RTN3: variants seen among roughly 807,000 people sequenced by gnomAD.
RTN3 encodes the protein reticulon-3.
Under a neutral mutation model 77.8 loss-of-function variants are expected in RTN3, and 49 were observed. That is an observed-to-expected ratio of 0.63 (90% CI 0.50 to 0.80). The LOEUF is 0.80. Ranked by LOEUF, RTN3 falls within the 30% of genes least tolerant of loss-of-function variation. The pLI, the probability that RTN3 is intolerant of heterozygous loss-of-function variation, is 0.00. For synonymous variants in RTN3, 464 were observed against 446.9 expected, an observed-to-expected ratio of 1.04 and a Z score of -0.48; for missense variants, 1,236 against 1,211.9, an observed-to-expected ratio of 1.02 and a Z score of -0.29.
At chr11:63,732,037 A>G (rs1330878485) in intron 3 of RTN3, among the ~76,000 whole-genome samples, 1 of 152,204 alleles carries the variant, frequency 6.6e-6, no homozygotes, top group Admixed American at 6.5e-5. Context: ...CTAGAAAAAG[A>G]AGAGCAAAGT....
chr11:63,757,786 G>C (rs491231), intron 8 of RTN3, among the ~76,000 whole-genome samples: 18,871 of 139,428 alleles, frequency 0.14, 1,302 homozygotes, highest in Middle Eastern at 0.21. Flanking sequence ...GTGGTGCGAT[G>C]TCTGCTCACT....
chr11:63,686,680 A>G (rs1941392644), intron 1 of RTN3, among the ~76,000 whole-genome samples: 2 of 152,154 alleles, frequency 1.3e-5, no homozygotes, highest in South Asian at 4.1e-4. Flanking sequence ...CAAAAAAGCA[A>G]GAATTAGCTG....
intron 7 of RTN3, among the ~76,000 whole-genome samples, chr11:63,753,962 G>A (rs941764969): frequency 2.6e-5 from 4 of 152,198 alleles, no homozygotes; most frequent in African/African-American, 9.7e-5. Flanking sequence ...TTTTAATCAT[G>A]TAGATGTATT....
intron 3 of RTN3, among the ~76,000 whole-genome samples, chr11:63,726,733 C>T (rs974851645): frequency 1.1e-4 from 16 of 151,838 alleles, no homozygotes; most frequent in Admixed American, 6.6e-5. Flanking sequence ...CATTGGCAGG[C>T]GCCTGTAATC....
intron 1 of RTN3, among the ~76,000 whole-genome samples, chr11:63,684,129 GT>G (rs61663789): frequency 1.6e-3 from 134 of 85,276 alleles, no homozygotes; most frequent in South Asian, 5.4e-3. Context: ...TTTTCTTTTG[GT>G]TTTTTTTTTT....
chr11:63,735,598 C>CTCTCTCTCTCTCTCTCTCTCTT (rs1238903324), intron 3 of RTN3, among the ~76,000 whole-genome samples: 1 of 147,768 alleles, frequency 6.8e-6, no homozygotes, highest in Non-Finnish European at 1.5e-5. Flanking sequence ...CTCTCTCTCT[C>CTCTCTCTCTCTCTCTCTCTCTT]TCTTTCTTTC....
chr11:63,745,138 C>A (rs1379605700), intron 3 of RTN3, among the ~76,000 whole-genome samples: 4 of 152,162 alleles, frequency 2.6e-5, no homozygotes, highest in Non-Finnish European at 4.4e-5. Flanking sequence ...TATTTTTCAT[C>A]CTCTTCTCCC....
chr11:63,756,857 C>G (rs1013408126), intron 8 of RTN3, among the ~76,000 whole-genome samples: 1 of 152,162 alleles, frequency 6.6e-6, no homozygotes, highest in African/African-American at 2.4e-5. Context: ...ACCAGCCTGG[C>G]CAACATAGTG....
At chr11:63,747,494 A>G (rs1311477685) in intron 3 of RTN3, among the ~76,000 whole-genome samples, 1 of 152,184 alleles carries the variant, frequency 6.6e-6, no homozygotes, top group Non-Finnish European at 1.5e-5. Context: ...CAGGAGTCAT[A>G]ATACCTTCTC....
chr11:63,738,334 T>C (rs1373822361), intron 3 of RTN3, among the ~76,000 whole-genome samples: 1 of 152,090 alleles, frequency 6.6e-6, no homozygotes, highest in Non-Finnish European at 1.5e-5. Flanking sequence ...AATTGGAGAT[T>C]TATTTGTTCT....
Position 63,756,186 on chromosome 11 carries a change from G to A in RTN3, c.3053+16G>A, listed in dbSNP as rs1221877060. 2 of 1,583,474 alleles carry A rather than the reference G, an allele frequency of 1.3e-6. No individual in the cohort carries two copies. Among genetic ancestry groups the A allele is most frequent in the Admixed American group, 1.7e-5 (1 of 59,934 alleles). On this transcript the variant is annotated intron_variant, in intron 8 of 8. Coordinates refer to ENST00000377819, the MANE Select transcript of RTN3 (RefSeq NM_001265589.2). ...TTGTTGAAAAGTAAGTACATTTAGA[G>A]ACCACATCATCATGAGGTATGCTTC...
chr11:63,705,421 A>G (rs928085938), intron 2 of RTN3, among the ~76,000 whole-genome samples: 1 of 152,204 alleles, frequency 6.6e-6, no homozygotes, highest in Non-Finnish European at 1.5e-5. Context: ...TGGAGGTTGC[A>G]GTGAGCGATG....
In RTN3 at chr11:63,685,648, C is replaced by T. The variant is rs115057850; in HGVS notation, c.142+3870C>T. 9.2e-3 allele frequency among the ~76,000 whole-genome samples: 1,399 copies of T among 151,960 alleles called. 14 individuals are homozygous for T. Among genetic ancestry groups the T allele is most frequent in the African/African-American group, 0.032 (1,313 of 41,380 alleles). On this transcript the variant is annotated intron_variant, in intron 1 of 8. Transcript: ENST00000377819. Reference sequence around the variant, plus strand: ...TGAAGTTTGTTATTCCAAAATTTAACTTATTTAAAATGTAGATGCTAAAAA... The same window carrying T: ...TGAAGTTTGTTATTCCAAAATTTAATTTATTTAAAATGTAGATGCTAAAAA...
chr11:63,750,995 G>T (rs2014074794), intron 4 of RTN3, among the ~76,000 whole-genome samples: 1 of 151,598 alleles, frequency 6.6e-6, no homozygotes, highest in South Asian at 2.1e-4. Flanking sequence ...GCCTCCCAAA[G>T]TGCTGGGATT....
intron 1 of RTN3, among the ~76,000 whole-genome samples, chr11:63,689,225 T>A (rs1204375698): frequency 1.3e-5 from 2 of 152,220 alleles, no homozygotes; most frequent in African/African-American, 4.8e-5. Flanking sequence ...TAAGCACTCA[T>A]AGTAAAACTT....
intron 3 of RTN3, among the ~76,000 whole-genome samples, chr11:63,721,363 A>G (rs1304577417): frequency 1.3e-5 from 2 of 152,128 alleles, no homozygotes; most frequent in African/African-American, 4.8e-5. Flanking sequence ...TCACAAGGTC[A>G]GGAGATTGAG....
intron 2 of RTN3, 74 bp from the exon 3 acceptor site, chr11:63,718,628 T>C: frequency 1.9e-6 from 2 of 1,074,392 alleles, no homozygotes; most frequent in Non-Finnish European, 2.6e-6. Flanking sequence ...ATAAAAAGCA[T>C]GCTGCTTGGC....
At position 63,758,360 on chromosome 11, in the gene RTN3, C is replaced by T. The variant is rs772949351; in HGVS notation, c.*159C>T. On this transcript the variant is annotated 3_prime_UTR_variant, in exon 9 of 9. Transcript: ENST00000377819. ...TTTCTCCCATCCTTTCCCTTTAACC[C>T]TCAGTATCAAGCACAAAAATTGATG... The T allele has an allele frequency of 2.5e-6, 4 of 1,601,376 alleles. No homozygotes were observed. The highest frequency in any genetic ancestry group is 3.4e-6 in the Non-Finnish European group (4 of 1,175,568).
chr11:63,696,139 G>A (rs1941928863), intron 1 of RTN3, among the ~76,000 whole-genome samples: 1 of 151,864 alleles, frequency 6.6e-6, no homozygotes, highest in South Asian at 2.1e-4. Flanking sequence ...GATGAGGCCG[G>A]GCCTGGTGGC....
Sources: allele counts gnomAD v4.1 joint callset (sites outside exome capture counted in the v4.1 genomes callset), GRCh38; gene constraint gnomAD v4.1.1; transcripts MANE v1.5; gene names NCBI Gene and HGNC (gene_info 2026-07-23, HGNC 2026-07-21).